The following GMDS variants were observed in gnomAD, a reference collection of about 807,000 sequenced individuals.
The protein encoded by GMDS is GDP-mannose 4,6-dehydratase.
A neutral mutation model predicts 49.9 loss-of-function variants in GMDS; 20 were observed. The observed-to-expected ratio is 0.40, with a 90% CI of 0.28 to 0.58. The LOEUF is 0.58. Ranked by LOEUF, GMDS falls within the 20% of genes least tolerant of loss-of-function variation. The pLI is 0.42. For missense variants in GMDS, 362 were observed against 481.4 expected (o/e 0.75, Z 2.32); for synonymous variants, 177 against 178.6 (o/e 0.99, Z 0.07).
chr6:2,003,944 C>T (rs1013806704), intron 4 of GMDS, among the ~76,000 whole-genome samples: 2 of 152,156 alleles, frequency 1.3e-5, no homozygotes, highest in African/African-American at 4.8e-5. Context: ...TGGCATTAGA[C>T]ATCTACCACA....
chr6:1,819,923 A>C (rs1215711965), intron 7 of GMDS, among the ~76,000 whole-genome samples: 1 of 151,648 alleles, frequency 6.6e-6, no homozygotes, highest in Non-Finnish European at 1.5e-5. Context: ...TATGATACAG[A>C]TTAGGAATCC....
intron 4 of GMDS, among the ~76,000 whole-genome samples, chr6:2,022,391 T>G (rs961434273): frequency 3.9e-5 from 6 of 152,226 alleles, no homozygotes; most frequent in Admixed American, 6.5e-5. Context: ...GACAATTTTG[T>G]GGCACTTTTC....
chr6:1,678,282 C>T (rs576124566), intron 9 of GMDS, among the ~76,000 whole-genome samples: 27 of 152,268 alleles, frequency 1.8e-4, no homozygotes, highest in African/African-American at 6.5e-4. Flanking sequence ...ACAAAGGTCT[C>T]CCCTCAAGCT....
intron 9 of GMDS, among the ~76,000 whole-genome samples, chr6:1,716,407 G>C (rs909562637): frequency 1.5e-4 from 23 of 152,208 alleles, no homozygotes; most frequent in Non-Finnish European, 3.2e-4. Flanking sequence ...GGTATCAAAA[G>C]ACAGATTAAT....
At chr6:1,797,382 C>G (rs1233704881) in intron 7 of GMDS, among the ~76,000 whole-genome samples, 3 of 152,214 alleles carry the variant, frequency 2.0e-5, no homozygotes, top group Admixed American at 6.5e-5. Flanking sequence ...AACTCTCTCA[C>G]TTCCTTCTTG....
At chr6:2,222,183 A>G (rs1039864925) in intron 1 of GMDS, among the ~76,000 whole-genome samples, 4 of 152,186 alleles carry the variant, frequency 2.6e-5, no homozygotes, top group Non-Finnish European at 5.9e-5. Flanking sequence ...AAATCATTAG[A>G]CCAGCACTCA....
intron 7 of GMDS, among the ~76,000 whole-genome samples, chr6:1,767,762 G>A (rs547947719): frequency 6.6e-6 from 1 of 152,294 alleles, no homozygotes; most frequent in South Asian, 2.1e-4. Context: ...GGAAGCCTGT[G>A]ACATCCCCGG....
intron 2 of GMDS, among the ~76,000 whole-genome samples, chr6:2,123,953 G>A (rs896357187): frequency 1.3e-5 from 2 of 151,636 alleles, no homozygotes; most frequent in Non-Finnish European, 2.9e-5. Flanking sequence ...TTAAAACAAC[G>A]TACCAACAAT....
chr6:1,812,747 C>T (rs1365093299), intron 7 of GMDS, among the ~76,000 whole-genome samples: 1 of 152,154 alleles, frequency 6.6e-6, no homozygotes, highest in Non-Finnish European at 1.5e-5. Context: ...TGTAAATTCT[C>T]AGTCTCATTG....
intron 1 of GMDS, among the ~76,000 whole-genome samples, chr6:2,187,866 G>A (rs762244306): frequency 6.6e-6 from 1 of 152,206 alleles, no homozygotes; most frequent in African/African-American, 2.4e-5. Context: ...ACAGGAAATT[G>A]TGGATTCAAA....
At chr6:1,762,754 A>G (rs895190003) in intron 7 of GMDS, among the ~76,000 whole-genome samples, 1 of 152,156 alleles carries the variant, frequency 6.6e-6, no homozygotes, top group African/African-American at 2.4e-5. Flanking sequence ...GTCCCTGTTC[A>G]TTTTTTACAG....
At chr6:1,840,991 T>A (rs547624776) in intron 7 of GMDS, among the ~76,000 whole-genome samples, 7 of 152,290 alleles carry the variant, frequency 4.6e-5, no homozygotes, top group African/African-American at 1.7e-4. Context: ...CGGAAACTTA[T>A]GAGTCAAATT....
chr6:1,687,330 T>C (rs967524696), intron 9 of GMDS, among the ~76,000 whole-genome samples: 1 of 152,212 alleles, frequency 6.6e-6, no homozygotes, highest in African/African-American at 2.4e-5. Context: ...GTTTCAGACC[T>C]GGAAGTGGCG....
chr6:1,655,523 T>C (rs1027205385), intron 9 of GMDS, among the ~76,000 whole-genome samples: 2 of 8,520 alleles, frequency 2.3e-4, no homozygotes, highest in Non-Finnish European at 2.3e-4. Context: ...ACACACATAT[T>C]TTTTTTTTTT....
intron 1 of GMDS, among the ~76,000 whole-genome samples, chr6:2,154,706 A>T (rs1170509788): frequency 6.6e-6 from 1 of 152,012 alleles, no homozygotes; most frequent in Non-Finnish European, 1.5e-5. Context: ...TTCAATAAAC[A>T]TATGCCCAGA....
rs1203868087 is a variant in GMDS at position 1,742,547 on chromosome 6, A to C, written c.811T>G (p.Phe271Val). The stretch of plus-strand genomic sequence containing the variant: ...TGGACCTCCCCAGTAGCTATAACGA[A>C]GTCCTCCGGCTCATCATTCTGCAAC... Reference protein sequence around the residue: ...LMLQNDEPEDFVIATGEVHSV... With the variant: ...LMLQNDEPEDVVIATGEVHSV... The change falls in exon 8 of 11, where the codon TTC (phenylalanine) becomes GTC (valine). Residue 271 changes from phenylalanine to valine, a missense_variant. Coordinates refer to ENST00000380815, the MANE Select transcript of GMDS (RefSeq NM_001500.4). 1.2e-6 allele frequency: 2 copies of C among 1,611,792 alleles called. No individual in the cohort carries two copies. Among genetic ancestry groups the C allele is most frequent in the Non-Finnish European group, 1.7e-6 (2 of 1,177,998 alleles).
intron 7 of GMDS, among the ~76,000 whole-genome samples, chr6:1,764,588 T>C (rs1392415235): frequency 6.6e-6 from 1 of 152,176 alleles, no homozygotes; most frequent in African/African-American, 2.4e-5. Context: ...CTGTTATAAA[T>C]GATAATATTA....
At chr6:2,025,586 C>T (rs1398210974) in intron 4 of GMDS, among the ~76,000 whole-genome samples, 1 of 151,822 alleles carries the variant, frequency 6.6e-6, no homozygotes, top group Non-Finnish European at 1.5e-5. Context: ...TAACATTATA[C>T]AGCTATTATT....
At chr6:1,928,643 C>T (rs1211000443) in intron 7 of GMDS, among the ~76,000 whole-genome samples, 2 of 152,086 alleles carry the variant, frequency 1.3e-5, no homozygotes, top group East Asian at 1.9e-4. Context: ...TCATAAAATG[C>T]TTCTTTGTAA....
Sources: gnomAD v4.1 joint callset for allele counts (sites outside exome capture counted in the v4.1 genomes callset) on GRCh38, gnomAD v4.1.1 for gene constraint, MANE v1.5 for transcripts, NCBI Gene and HGNC (gene_info 2026-07-23, HGNC 2026-07-21) for gene names.